Variants in TMEM45A observed in about 807,000 individuals in gnomAD.
TMEM45A encodes transmembrane protein 45A.
TMEM45A carries 25 observed loss-of-function variants against 32.0 expected under a neutral mutation model. The observed-to-expected ratio is 0.78, with a 90% CI of 0.57 to 1.09. The LOEUF (loss-of-function observed/expected upper bound fraction) is 1.09. TMEM45A is among the 50% of genes least tolerant of loss of function. TMEM45A has a pLI of 0.00. For missense variants in TMEM45A, 302 were observed against 325.0 expected, an observed-to-expected ratio of 0.93 and a Z score of 0.54; for synonymous variants, 122 against 114.8, an observed-to-expected ratio of 1.06 and a Z score of -0.40.
chr3:100,562,214 A>T (rs529840974), intron 4 of TMEM45A, among the ~76,000 whole-genome samples: 2 of 151,774 alleles, frequency 1.3e-5, no homozygotes, highest in South Asian at 2.1e-4. Flanking sequence ...TTTTTTTTGC[A>T]GATTGAGGTT....
At chr3:100,541,529 T>C (rs1440911572) in intron 1 of TMEM45A, among the ~76,000 whole-genome samples, 2 of 143,600 alleles carry the variant, frequency 1.4e-5, no homozygotes, top group Non-Finnish European at 3.0e-5. Context: ...CTTTCCTTTT[T>C]TTTTTTTTTT....
chr3:100,556,796 ATCT>A lies in TMEM45A; in HGVS notation c.228_230del (p.His76_Leu77delinsGln), dbSNP rs751716736. ...GAGCAGTTTATTCCTGGAGGGCCCC[ATCT>A]GATGTTATATGACTATAAACAAGGT... On this transcript the variant is annotated inframe_deletion, in exon 3 of 6. Coordinates refer to ENST00000323523, the MANE Select transcript of TMEM45A (RefSeq NM_018004.3). 3 of 1,613,860 alleles carry A rather than the reference ATCT, an allele frequency of 1.9e-6. No homozygotes were observed. The highest frequency in any genetic ancestry group is 2.5e-6 in the Non-Finnish European group (3 of 1,179,970).
intron 1 of TMEM45A, among the ~76,000 whole-genome samples, chr3:100,524,137 G>A (rs534573614): frequency 6.6e-6 from 1 of 152,354 alleles, no homozygotes; most frequent in East Asian, 1.9e-4. Flanking sequence ...AATCTAGATG[G>A]CAAGCTGGCT....
At chr3:100,509,577 T>C (rs545953705) in intron 1 of TMEM45A, among the ~76,000 whole-genome samples, 4 of 152,268 alleles carry the variant, frequency 2.6e-5, no homozygotes, top group African/African-American at 9.6e-5. Context: ...GAAAATGTGG[T>C]ATATAGATAT....
In TMEM45A at chr3:100,499,448, C is replaced by T. The variant is rs114610693; in HGVS notation, c.-4+6520C>T. On this transcript the variant is annotated intron_variant, in intron 1 of 5. Transcript: ENST00000323523. ...GCAATTCATTAATAATTTTTATCAA[C>T]GATTATAATGTTTGTCTCTATGTAG... Among the ~76,000 whole-genome samples, 520 of 152,230 alleles carry T rather than the reference C, an allele frequency of 3.4e-3. 4 individuals are homozygous for T. Among genetic ancestry groups the T allele is most frequent in the Non-Finnish European group, 5.2e-3 (354 of 68,032 alleles).
At chr3:100,557,489 C>T (rs1208188460) in intron 3 of TMEM45A, among the ~76,000 whole-genome samples, 2 of 151,332 alleles carry the variant, frequency 1.3e-5, no homozygotes, top group Non-Finnish European at 2.9e-5. Flanking sequence ...TAATTAAAAA[C>T]AATATTTTTT....
At chr3:100,514,821 T>A (rs1443606558) in intron 1 of TMEM45A, among the ~76,000 whole-genome samples, 4 of 150,130 alleles carry the variant, frequency 2.7e-5, no homozygotes, top group Non-Finnish European at 4.5e-5. Context: ...GCGAAGGACA[T>A]GAACAGACAC....
At chr3:100,515,706 A>G (rs1217581559) in intron 1 of TMEM45A, among the ~76,000 whole-genome samples, 1 of 151,998 alleles carries the variant, frequency 6.6e-6, no homozygotes, top group African/African-American at 2.4e-5. Flanking sequence ...CATTGATGGA[A>G]CTGCAGGTCA....
chr3:100,536,844 C>T (rs1018939308), intron 1 of TMEM45A, among the ~76,000 whole-genome samples: 17 of 152,206 alleles, frequency 1.1e-4, no homozygotes, highest in Non-Finnish European at 2.2e-4. Flanking sequence ...ACCCTGGCCC[C>T]ACACCCCAGC....
chr3:100,515,097 T>C (rs1355484512), intron 1 of TMEM45A, among the ~76,000 whole-genome samples: 1 of 148,308 alleles, frequency 6.7e-6, no homozygotes, highest in African/African-American at 2.5e-5. Context: ...GAACTAGAAA[T>C]ACCATTTGAC....
chr3:100,555,531 A>C, intron 2 of TMEM45A, 130 bp downstream of exon 2: 1 of 930,414 alleles, frequency 1.1e-6, no homozygotes, highest in Non-Finnish European at 1.6e-6. Flanking sequence ...CCTATCAAAA[A>C]CCATTTTGCA....
At chr3:100,537,052 G>C (rs1306215041) in intron 1 of TMEM45A, among the ~76,000 whole-genome samples, 1 of 152,168 alleles carries the variant, frequency 6.6e-6, no homozygotes, top group Non-Finnish European at 1.5e-5. Context: ...CTCCTGAGTA[G>C]CTGGGATTAC....
chr3:100,560,768 G>A (rs570564264), intron 4 of TMEM45A, among the ~76,000 whole-genome samples: 2 of 152,200 alleles, frequency 1.3e-5, no homozygotes, highest in African/African-American at 2.4e-5. Flanking sequence ...CCAAGAGAGC[G>A]GAATTATAAA....
At chr3:100,530,712 T>G (rs1705629468) in intron 1 of TMEM45A, among the ~76,000 whole-genome samples, 2 of 152,214 alleles carry the variant, frequency 1.3e-5, no homozygotes, top group African/African-American at 4.8e-5. Flanking sequence ...AGGACCCATA[T>G]GAAATTAAAC....
intron 1 of TMEM45A, among the ~76,000 whole-genome samples, chr3:100,508,615 T>C (rs1394192503): frequency 6.6e-6 from 1 of 151,880 alleles, no homozygotes; most frequent in African/African-American, 2.4e-5. Context: ...AACAGACACA[T>C]AGAGAAGTGG....
At chr3:100,535,388 A>G (rs781053117) in intron 1 of TMEM45A, among the ~76,000 whole-genome samples, 18 of 152,148 alleles carry the variant, frequency 1.2e-4, no homozygotes, top group South Asian at 4.2e-4. Context: ...AATGAACTAT[A>G]AATTTCCCAA....
chr3:100,533,583 C>T (rs913957181), intron 1 of TMEM45A, among the ~76,000 whole-genome samples: 4 of 152,134 alleles, frequency 2.6e-5, no homozygotes, highest in African/African-American at 9.7e-5. Flanking sequence ...ACTTCTGGAA[C>T]CCATCACAAC....
chr3:100,555,342 C>G lies in TMEM45A; in HGVS notation c.131C>G (p.Thr44Arg). 1.2e-6 allele frequency: 2 copies of G among 1,613,940 alleles called. No individual in the cohort carries two copies. The highest frequency in any genetic ancestry group is 1.7e-6 in the Non-Finnish European group (2 of 1,179,936). Residue 44 changes from threonine to arginine, a missense_variant, in exon 2 of 6, where the codon ACA (threonine) becomes AGA (arginine). Coordinates refer to ENST00000323523, the MANE Select transcript of TMEM45A (RefSeq NM_018004.3). ...CGAACCTGCTATCTTGGTTCCAAAA[C>G]ATTATTCTATCGATTGGAAATTTTG... ...QKRTCYLGSKTLFYRLEILEG... is the reference protein window; with the variant it reads ...QKRTCYLGSKRLFYRLEILEG...
intron 1 of TMEM45A, among the ~76,000 whole-genome samples, chr3:100,504,651 A>G (rs185690654): frequency 7.2e-5 from 11 of 152,332 alleles, no homozygotes; most frequent in African/African-American, 1.9e-4. Context: ...GATATCTCCA[A>G]TGCTAATGAA....
Sources: gnomAD v4.1 joint callset for allele counts (sites outside exome capture counted in the v4.1 genomes callset) on GRCh38, gnomAD v4.1.1 for gene constraint, MANE v1.5 for transcripts, NCBI Gene and HGNC (gene_info 2026-07-23, HGNC 2026-07-21) for gene names.